Variants in FGF12 observed in about 807,000 individuals in gnomAD.
FGF12 encodes fibroblast growth factor 12B.
FGF12 carries 14 observed loss-of-function variants against 23.6 expected under a neutral mutation model. The observed-to-expected ratio is 0.59, with a 90% CI of 0.39 to 0.93. The LOEUF (loss-of-function observed/expected upper bound fraction) is 0.93, where lower values mean the gene tolerates loss of function less well. Among genes scored for constraint, FGF12 ranks in the 40% least tolerant of loss-of-function variants. The pLI, the probability that FGF12 is intolerant of heterozygous loss-of-function variation, is 0.00. For synonymous variants in FGF12, 62 were observed against 77.3 expected, an observed-to-expected ratio of 0.80 and a Z score of 1.04; for missense variants, 175 against 217.8, an observed-to-expected ratio of 0.80 and a Z score of 1.24.
intron 2 of FGF12, among the ~76,000 whole-genome samples, chr3:192,584,039 T>C (rs909832388): frequency 1.3e-5 from 2 of 152,218 alleles, no homozygotes; most frequent in African/African-American, 2.4e-5. Flanking sequence ...ATGATTCCGG[T>C]ATTTCTAAAT....
chr3:192,450,213 A>C (rs1307442616), intron 2 of FGF12, among the ~76,000 whole-genome samples: 2 of 152,186 alleles, frequency 1.3e-5, no homozygotes, highest in African/African-American at 4.8e-5. Context: ...AAGGGAAGAA[A>C]CACCTAATAT....
intron 2 of FGF12, among the ~76,000 whole-genome samples, chr3:192,454,882 A>C (rs1020645267): frequency 2.0e-5 from 3 of 152,214 alleles, no homozygotes; most frequent in African/African-American, 7.2e-5. Context: ...AATAAGACGG[A>C]CATTACAAGG....
intron 3 of FGF12, among the ~76,000 whole-genome samples, chr3:192,352,414 G>T (rs1577379993): frequency 6.6e-6 from 1 of 152,350 alleles, no homozygotes; most frequent in South Asian, 2.1e-4. Flanking sequence ...CAGCATGTCT[G>T]AAGTGATGCT....
chr3:192,371,740 CT>C (rs11308270), intron 2 of FGF12, among the ~76,000 whole-genome samples: 75,107 of 150,336 alleles, frequency 0.5, 21,710 homozygotes, highest in African/African-American at 0.77. Flanking sequence ...TATCATTGGG[CT>C]TTTTTTTTTA....
At chr3:192,452,507 T>C (rs567816818) in intron 2 of FGF12, among the ~76,000 whole-genome samples, 1 of 152,326 alleles carries the variant, frequency 6.6e-6, no homozygotes, top group African/African-American at 2.4e-5. Context: ...AGGGTTCTAT[T>C]GGTCTCATGA....
intron 2 of FGF12, among the ~76,000 whole-genome samples, chr3:192,364,913 C>T (rs2366654): frequency 0.63 from 95,681 of 151,978 alleles, 32,566 homozygotes; most frequent in East Asian, 0.93. Flanking sequence ...GCAATCAAGG[C>T]TAATATCATC....
At chr3:192,474,926 A>C (rs1723276413) in intron 2 of FGF12, among the ~76,000 whole-genome samples, 1 of 151,812 alleles carries the variant, frequency 6.6e-6, no homozygotes, top group South Asian at 2.1e-4. Flanking sequence ...GAAAAACAAA[A>C]CAAAGCCCAC....
intron 4 of FGF12, among the ~76,000 whole-genome samples, chr3:192,232,831 C>A (rs1719092612): frequency 6.6e-6 from 1 of 152,058 alleles, no homozygotes; most frequent in Non-Finnish European, 1.5e-5. Context: ...TATTAACCTG[C>A]TTAGGATAAT....
At chr3:192,187,277 C>CT (rs1274156035) in intron 4 of FGF12, among the ~76,000 whole-genome samples, 3 of 151,994 alleles carry the variant, frequency 2.0e-5, no homozygotes, top group Middle Eastern at 3.2e-3. Context: ...CATATATAGT[C>CT]TTTTTTTGAG....
At chr3:192,356,809 A>G (rs1718491382) in intron 3 of FGF12, among the ~76,000 whole-genome samples, 1 of 152,260 alleles carries the variant, frequency 6.6e-6, no homozygotes, top group East Asian at 1.9e-4. Context: ...AAGTAGAGAA[A>G]GAAAAGACAT....
intron 2 of FGF12, among the ~76,000 whole-genome samples, chr3:192,593,254 C>T (rs1206768508): frequency 1.3e-5 from 2 of 151,782 alleles, no homozygotes; most frequent in African/African-American, 4.8e-5. Flanking sequence ...GTCCCCATTG[C>T]TTAGACTCCA....
At chr3:192,209,981 T>C (rs184629386) in intron 4 of FGF12, among the ~76,000 whole-genome samples, 51 of 152,358 alleles carry the variant, frequency 3.3e-4, no homozygotes, top group Non-Finnish European at 5.3e-4. Flanking sequence ...ATAGCTTTCA[T>C]AGTTTTTCAC....
chr3:192,204,111 G>T (rs1717519441), intron 4 of FGF12, among the ~76,000 whole-genome samples: 1 of 152,014 alleles, frequency 6.6e-6, no homozygotes, highest in African/African-American at 2.4e-5. Context: ...AATTTGTCTA[G>T]GTATTAGATG....
rs1322248087 is a variant in FGF12, at chr3:192,181,352, C to T, written c.229-10696G>A. Among the ~76,000 whole-genome samples, 6 of 147,150 alleles carry T rather than the reference C, an allele frequency of 4.1e-5. No individual in the cohort carries two copies. The South Asian group carries it at 1.1e-3, about 27-fold the overall frequency. On this transcript the variant is annotated intron_variant, in intron 4 of 5. Transcript: ENST00000445105. ...CAAAACAGTCAAGACAAGACCTACACGCACACACACAGACACACACACACA... is the reference window on the plus strand; with the variant it reads ...CAAAACAGTCAAGACAAGACCTACATGCACACACACAGACACACACACACA...
chr3:192,220,347 A>C (rs1210548340), intron 4 of FGF12, among the ~76,000 whole-genome samples: 1 of 152,064 alleles, frequency 6.6e-6, no homozygotes, highest in African/African-American at 2.4e-5. Context: ...TTAAACTCTA[A>C]ATAATTTACT....
intron 2 of FGF12, among the ~76,000 whole-genome samples, chr3:192,546,090 A>C (rs1046805257): frequency 1.3e-5 from 2 of 152,330 alleles, no homozygotes; most frequent in Non-Finnish European, 1.5e-5. Flanking sequence ...GGTGTGGTGG[A>C]AAAGAACATA....
chr3:192,483,257 A>G (rs1215628202), intron 2 of FGF12, among the ~76,000 whole-genome samples: 1 of 152,104 alleles, frequency 6.6e-6, no homozygotes, highest in Admixed American at 6.6e-5. Flanking sequence ...TTAATGGACT[A>G]CTATACCTAA....
chr3:192,656,383 G>T (rs1178534688), intron 2 of FGF12, among the ~76,000 whole-genome samples: 3 of 151,740 alleles, frequency 2.0e-5, no homozygotes, highest in Admixed American at 2.0e-4. Flanking sequence ...AAAGGAATGA[G>T]AATTTAAACA....
intron 4 of FGF12, among the ~76,000 whole-genome samples, chr3:192,223,176 C>T (rs1289429159): frequency 2.6e-5 from 4 of 152,138 alleles, no homozygotes; most frequent in African/African-American, 9.7e-5. Flanking sequence ...GGCGCCTGAA[C>T]ACTGAATATT....
Sources: gnomAD v4.1 joint callset for allele counts (sites outside exome capture counted in the v4.1 genomes callset) on GRCh38, gnomAD v4.1.1 for gene constraint, MANE v1.5 for transcripts, NCBI Gene and HGNC (gene_info 2026-07-23, HGNC 2026-07-21) for gene names.